Variants in DNAJA2 observed in about 807,000 individuals in gnomAD.
DNAJA2 encodes dnaJ homolog subfamily A member 2.
In DNAJA2, 6 loss-of-function variants were observed where a neutral mutation model predicts 49.3. The ratio of observed to expected loss-of-function variants is 0.12; its 90% CI spans 0.07 to 0.24. The LOEUF (loss-of-function observed/expected upper bound fraction) is 0.24, where lower values mean the gene tolerates loss of function less well. Ranked by LOEUF, DNAJA2 falls within the 10% of genes least tolerant of loss-of-function variation. DNAJA2 has a pLI of 1.00. For missense variants in DNAJA2, 347 were observed against 516.8 expected (o/e 0.67, Z 3.19); for synonymous variants, 160 against 172.7 (o/e 0.93, Z 0.58).
rs140156479 is a variant in DNAJA2 at position 46,971,867 on chromosome 16, C to T, written c.138+29G>A. On this transcript the variant is annotated intron_variant, in intron 2 of 8. Coordinates refer to ENST00000317089, the MANE Select transcript of DNAJA2 (RefSeq NM_005880.4). ...GCAATTTAAGTTAAAGCTAAAACCCCCGGAATAAAAAAGGTGCAAATAACT... is the reference window on the plus strand; with the variant it reads ...GCAATTTAAGTTAAAGCTAAAACCCTCGGAATAAAAAAGGTGCAAATAACT... The T allele has an allele frequency of 1.2e-3, 1,828 of 1,588,504 alleles. 2 individuals are homozygous for T. Among genetic ancestry groups the T allele is most frequent in the Admixed American group, 1.3e-3 (75 of 59,486 alleles).
At chr16:46,958,940 A>T (rs1961857019) in intron 8 of DNAJA2, 63 bp downstream of exon 8, 2 of 1,538,134 alleles carry the variant, frequency 1.3e-6, no homozygotes, top group Admixed American at 2.1e-5. Context: ...ACCCTGTCTA[A>T]AAAACCAAAA....
chr16:46,967,698 T>G, intron 4 of DNAJA2, 52 bp from the exon 5 acceptor site: 1 of 1,611,386 alleles, frequency 6.2e-7, no homozygotes, highest in Non-Finnish European at 8.5e-7. Context: ...ACCACTCCAA[T>G]AAGCTATGAC....
intron 5 of DNAJA2, 130 bp downstream of exon 5, chr16:46,967,383 G>A (rs921454624): frequency 3.3e-6 from 4 of 1,206,804 alleles, no homozygotes; most frequent in Non-Finnish European, 4.5e-6. Flanking sequence ...ATGAGCTAAC[G>A]CACCCGGCCT....
At position 46,955,516 on chromosome 16, in the gene DNAJA2, T is replaced by C. The variant is rs552166060; in HGVS notation, c.*1513A>G. ...TTGTTGTAAAATATTTTTTGTACAA[T>C]GGAGGTAGAGTGGATAGGTCAATAA... On this transcript the variant is annotated 3_prime_UTR_variant, in exon 9 of 9. Coordinates refer to ENST00000317089, the MANE Select transcript of DNAJA2 (RefSeq NM_005880.4). 1.2e-4 allele frequency: 19 copies of C among 152,376 alleles called. No homozygotes were observed. Among genetic ancestry groups the C allele is most frequent in the African/African-American group, 3.6e-4 (15 of 41,590 alleles). The allele number at this position is 152,376 out of a possible 1,614,324, so 9.4% of individuals were successfully genotyped here.
rs1045650 is a variant in DNAJA2 at position 46,968,114 on chromosome 16, C to T, written c.413G>A (p.Ser138Asn). Reference sequence around the variant, plus strand: ...GCATGCACTACAGAGCACATTCTTGCTAAGTTGTAGTTTGGTTGTCTTGCC... The same window carrying T: ...GCATGCACTACAGAGCACATTCTTGTTAAGTTGTAGTTTGGTTGTCTTGCC... ...YNGKTTKLQL[S>N]KNVLCSACSG... is the part of the protein sequence containing the mutation. The change falls in exon 4 of 9, where the codon AGC becomes AAC. Residue 138 changes from serine (S) to asparagine (N), a missense_variant. By Grantham distance (46) the Ser-to-Asn change is conservative. Transcript: ENST00000317089. 3.7e-6 allele frequency: 6 copies of T among 1,609,850 alleles called. No homozygotes were observed. The highest frequency in any genetic ancestry group is 3.4e-6 in the Non-Finnish European group (4 of 1,178,736).
At position 46,959,226 on chromosome 16, in the gene DNAJA2, T is replaced by G. The variant is rs771451315; in HGVS notation, c.919+49A>C. On this transcript the variant is annotated intron_variant, in intron 7 of 8. Transcript: ENST00000317089. ...GTATAAAAAAATTACAAATTGTAATTTTTTTCAAAAATACTTGAAAACCAG... is the reference window on the plus strand; with the variant it reads ...GTATAAAAAAATTACAAATTGTAATGTTTTTCAAAAATACTTGAAAACCAG... 6 of 1,582,676 alleles carry G rather than the reference T, an allele frequency of 3.8e-6. No homozygotes were observed. The East Asian group carries it at 1.3e-4, about 36-fold the overall frequency.
intron 1 of DNAJA2, 139 bp downstream of exon 1, chr16:46,973,356 C>T: frequency 2.9e-6 from 2 of 695,084 alleles, no homozygotes; most frequent in Non-Finnish European, 3.8e-6. Flanking sequence ...GTCCCGCCGC[C>T]GCCGCCGACT....
At chr16:46,962,654 T>C (rs1961915235) in intron 6 of DNAJA2, among the ~76,000 whole-genome samples, 1 of 152,194 alleles carries the variant, frequency 6.6e-6, no homozygotes. Context: ...GTAGCTAAAA[T>C]GTTAACAAAT....
intron 5 of DNAJA2, among the ~76,000 whole-genome samples, chr16:46,965,449 C>T (rs1003083019): frequency 1.3e-5 from 2 of 152,150 alleles, no homozygotes; most frequent in African/African-American, 4.8e-5. Flanking sequence ...CATTTGAAGG[C>T]TTAGAAAGAA....
At chr16:46,958,858 C>T (rs938825909) in intron 8 of DNAJA2, 145 bp downstream of exon 8, 39 of 805,744 alleles carry the variant, frequency 4.8e-5, no homozygotes, top group Admixed American at 1.7e-4. Context: ...GTGAGAGGAT[C>T]GCTTCAGCCC....
chr16:46,966,085 G>A (rs1001805297), intron 5 of DNAJA2, among the ~76,000 whole-genome samples: 5 of 152,086 alleles, frequency 3.3e-5, no homozygotes, highest in South Asian at 2.1e-4. Context: ...TTAGCTGGGC[G>A]TGGTGGCAAG....
At chr16:46,966,232 AAAT>A (rs940304177) in intron 5 of DNAJA2, among the ~76,000 whole-genome samples, 2 of 152,166 alleles carry the variant, frequency 1.3e-5, no homozygotes, top group Non-Finnish European at 2.9e-5. Context: ...CTATCTCCAA[AAAT>A]AATAATAATT....
At chr16:46,972,805 T>A (rs1962072931) in intron 1 of DNAJA2, 1 of 152,256 alleles carries the variant, frequency 6.6e-6, no homozygotes, top group Non-Finnish European at 1.5e-5. Flanking sequence ...TATTTATGTT[T>A]ACTGTACACT....
chr16:46,971,560 T>C lies in DNAJA2; in HGVS notation c.151A>G (p.Ser51Gly), dbSNP rs1403160739. ...TTTGATAGTACTTCATATGCAAAAC[T>C]TATTTCTTTAAACTATAAAGAAAAG... ...PNAGDKFKEI[S>G]FAYEVLSNPE... Residue 51 changes from serine to glycine, a missense_variant, in exon 3 of 9, where the codon AGT becomes GGT. Coordinates refer to ENST00000317089, the MANE Select transcript of DNAJA2 (RefSeq NM_005880.4). 2 of 1,582,578 alleles carry C rather than the reference T, an allele frequency of 1.3e-6. No homozygotes were observed. The highest frequency in any genetic ancestry group is 2.7e-5 in the African/African-American group (2 of 73,004).
intron 5 of DNAJA2, among the ~76,000 whole-genome samples, chr16:46,965,061 TAA>T (rs1003543457): frequency 4.0e-5 from 6 of 151,712 alleles, no homozygotes; most frequent in African/African-American, 1.2e-4. Flanking sequence ...CTACTACAAA[TAA>T]AAAAAGTTAG....
At chr16:46,961,308 A>G (rs1274540996) in intron 6 of DNAJA2, among the ~76,000 whole-genome samples, 1 of 152,004 alleles carries the variant, frequency 6.6e-6, no homozygotes, top group Non-Finnish European at 1.5e-5. Context: ...TGAACCCGGG[A>G]GGTGGAGGTT....
intron 3 of DNAJA2, among the ~76,000 whole-genome samples, chr16:46,968,483 G>A (rs1962005086): frequency 6.6e-6 from 1 of 152,140 alleles, no homozygotes; most frequent in Admixed American, 6.5e-5. Flanking sequence ...CTGTTCTGAG[G>A]CATAAGCCCT....
At position 46,959,089 on chromosome 16, in the gene DNAJA2, G is replaced by A; in HGVS notation, c.961C>T (p.Arg321Cys). 1.3e-6 allele frequency: 2 copies of A among 1,593,398 alleles called. No homozygotes were observed. The highest frequency in any genetic ancestry group is 1.7e-6 in the Non-Finnish European group (2 of 1,170,862). The part of the protein sequence containing the change: ...VVRGEGMPQY[R>C]NPFEKGDLYI... The stretch of plus-strand genomic sequence containing the variant: ...AGATCACCTTTTTCAAAGGGATTAC[G>A]ATACTGCGGCATCCCTTCACCTCGA... The change falls in exon 8 of 9, where the codon CGT becomes TGT. Residue 321 changes from arginine (R) to cysteine (C), a missense_variant. Arg to Cys is a radical substitution (Grantham distance 180). Transcript: ENST00000317089.
Position 46,971,877 on chromosome 16 carries a change from A to G in DNAJA2, c.138+19T>C. ...TTAAAGCTAAAACCCCCGGAATAAA[A>G]AAGGTGCAAATAACTTACTTTGTCT... On this transcript the variant is annotated intron_variant, in intron 2 of 8. Coordinates refer to ENST00000317089, the MANE Select transcript of DNAJA2 (RefSeq NM_005880.4). 1 of 1,600,792 alleles carries G rather than the reference A, an allele frequency of 6.2e-7. No individual in the cohort carries two copies. The highest frequency in any genetic ancestry group is 8.6e-7 in the Non-Finnish European group (1 of 1,169,132).
Sources: gnomAD v4.1 joint callset for allele counts (sites outside exome capture counted in the v4.1 genomes callset) on GRCh38, gnomAD v4.1.1 for gene constraint, MANE v1.5 for transcripts, NCBI Gene and HGNC (gene_info 2026-07-23, HGNC 2026-07-21) for gene names.